The following SEPTIN5 variants were observed in gnomAD, a reference collection of about 807,000 sequenced individuals.
SEPTIN5 encodes septin 5.
Under a neutral mutation model 51.2 loss-of-function variants are expected in SEPTIN5, and 16 were observed. That is an observed-to-expected ratio of 0.31 (90% CI 0.21 to 0.47). The LOEUF (loss-of-function observed/expected upper bound fraction) is 0.47, where lower values mean the gene tolerates loss of function less well. Ranked by LOEUF, SEPTIN5 falls within the 20% of genes least tolerant of loss-of-function variation. The pLI, the probability that SEPTIN5 is intolerant of heterozygous loss-of-function variation, is 0.99. For synonymous variants in SEPTIN5, 208 were observed against 191.2 expected (o/e 1.09, Z -0.72); for missense variants, 376 against 500.3 (o/e 0.75, Z 2.37).
At chr22:19,718,443 G>A in intron 2 of SEPTIN5, 2 of 1,098,840 alleles carry the variant, frequency 1.8e-6, no homozygotes, top group Non-Finnish European at 2.2e-6. Context: ...GCGGGCGCCT[G>A]CGACGCCCCG....
At position 19,719,910 on chromosome 22, in the gene SEPTIN5, G is replaced by C; in HGVS notation, c.238+18G>C. The C allele has an allele frequency of 6.2e-7, 1 of 1,611,906 alleles. No individual in the cohort carries two copies. The highest frequency in any genetic ancestry group is 8.5e-7 in the Non-Finnish European group (1 of 1,179,628). On this transcript the variant is annotated intron_variant, in intron 4 of 11. Coordinates refer to ENST00000455784, the MANE Select transcript of SEPTIN5 (RefSeq NM_002688.6). ...TGCTGAGGGTGAGTGGCCCCCAGGA[G>C]GCCCTGGCACTGATCCCCAGTCCCC...
At chr22:19,717,293 G>A (rs547150361) in intron 2 of SEPTIN5, 2 of 470,632 alleles carry the variant, frequency 4.2e-6, no homozygotes, top group East Asian at 6.9e-5. Context: ...CTGCTCCGCT[G>A]GGCTTGCCTG....
At chr22:19,721,766 G>GT in intron 9 of SEPTIN5, 30 bp downstream of exon 9, 6 of 1,601,418 alleles carry the variant, frequency 3.7e-6, no homozygotes, top group South Asian at 1.1e-5. Flanking sequence ...ACCAGGTCTG[G>GT]TGGGGGAAGG....
At position 19,720,473 on chromosome 22, in the gene SEPTIN5, G is replaced by A. The variant is rs200123061; in HGVS notation, c.497+19G>A. The stretch of plus-strand genomic sequence containing the variant: ...GGCATGGGTGTGTGGCTGTCCTGGG[G>A]CCAGGCTCGGGAGTGCAGCCCCTAC... On this transcript the variant is annotated intron_variant, in intron 6 of 11. Coordinates refer to ENST00000455784, the MANE Select transcript of SEPTIN5 (RefSeq NM_002688.6). The A allele has an allele frequency of 6.2e-7, 1 of 1,613,230 alleles. No individual in the cohort carries two copies. The highest frequency in any genetic ancestry group is 1.1e-5 in the South Asian group (1 of 91,082).
At chr22:19,718,473 A>G (rs2145787393) in intron 2 of SEPTIN5, 1 of 1,154,670 alleles carries the variant, frequency 8.7e-7, no homozygotes, top group Non-Finnish European at 1.1e-6. Flanking sequence ...CGGGTGCGGG[A>G]GCGGGGCCTG....
In SEPTIN5 at chr22:19,714,554, G is replaced by A; in HGVS notation, c.-35G>A. 4 of 1,343,274 alleles carry A rather than the reference G, an allele frequency of 3.0e-6. No homozygotes were observed. Among genetic ancestry groups the A allele is most frequent in the South Asian group, 1.8e-5 (1 of 56,592 alleles). 83.2% of individuals were successfully genotyped at this position (1,343,274 alleles called of 1,614,324 possible). On this transcript the variant is annotated 5_prime_UTR_variant, in exon 1 of 12. Transcript: ENST00000455784. The surrounding 1 kb of genome is among the most constrained non-coding windows in gnomAD (Gnocchi z 5.2). ...CCGCTTGTCGTCGCGCCCCGCCCGC[G>A]AGCCCGCCCCGCACGTCCCCCGCCG...
intron 2 of SEPTIN5, chr22:19,717,731 C>A: frequency 3.9e-6 from 1 of 258,128 alleles, no homozygotes; most frequent in South Asian, 3.8e-5. Flanking sequence ...CTCTGCCCTC[C>A]TCCGGTCCCC....
At position 19,720,553 on chromosome 22, in the gene SEPTIN5, C is replaced by T. The variant is rs201668611; in HGVS notation, c.502C>T (p.Arg168Trp). The change falls in exon 7 of 12, where the codon CGG (arginine) becomes TGG (tryptophan). Residue 168 changes from arginine to tryptophan, a missense_variant. Coordinates refer to ENST00000455784, the MANE Select transcript of SEPTIN5 (RefSeq NM_002688.6). ...YFISPFGHGL[R>W]PVDVGFMKAL... Reference sequence around the variant, plus strand: ...ACCCTTGGCTGCTCTCGGCAGGCTGCGGCCAGTGGATGTGGGTTTCATGAA... The same window carrying T: ...ACCCTTGGCTGCTCTCGGCAGGCTGTGGCCAGTGGATGTGGGTTTCATGAA... 8 of 1,612,998 alleles carry T rather than the reference C, an allele frequency of 5.0e-6. No individual in the cohort carries two copies. Among genetic ancestry groups the T allele is most frequent in the Non-Finnish European group, 5.9e-6 (7 of 1,180,020 alleles).
Position 19,717,406 on chromosome 22 carries a change from C to T in SEPTIN5, c.55-2196C>T, listed in dbSNP as rs1004417478. 1.7e-5 allele frequency: 8 copies of T among 464,414 alleles called. No individual in the cohort carries two copies. The Admixed American group carries it at 1.9e-4, about 11-fold the overall frequency. The allele number at this position is 464,414 out of a possible 1,614,324, so 28.8% of individuals were successfully genotyped here. ...CCACATGGGAGGGAGGCCCGGCTGG[C>T]AGGAGCTCCCAGTCCCTCCAATCCT... On this transcript the variant is annotated intron_variant, in intron 2 of 11. Transcript: ENST00000455784.
At chr22:19,717,343 G>C (rs1935926733) in intron 2 of SEPTIN5, 1 of 470,522 alleles carries the variant, frequency 2.1e-6, no homozygotes. Flanking sequence ...GTGGCCCACA[G>C]AGCGGAGCTC....
At chr22:19,718,579 AC>A in intron 2 of SEPTIN5, 1 of 1,290,336 alleles carries the variant, frequency 7.7e-7, no homozygotes, top group Non-Finnish European at 9.8e-7. Context: ...CGGGTAGGCG[AC>A]GTGCCCTGTC....
chr22:19,719,904 C>T lies in SEPTIN5; in HGVS notation c.238+12C>T, dbSNP rs1416804941. 6.2e-7 allele frequency: 1 copy of T among 1,612,228 alleles called. No individual in the cohort carries two copies. The highest frequency in any genetic ancestry group is 1.1e-5 in the South Asian group (1 of 91,044). On this transcript the variant is annotated intron_variant, in intron 4 of 11. Transcript: ENST00000455784. ...GCTCAGTGCTGAGGGTGAGTGGCCC[C>T]CAGGAGGCCCTGGCACTGATCCCCA... is the stretch of plus-strand genomic sequence containing the variant.
intron 2 of SEPTIN5, chr22:19,718,490 C>T (rs760745650): frequency 8.3e-7 from 1 of 1,211,206 alleles, no homozygotes; most frequent in South Asian, 3.9e-5. Context: ...CCTGCCCGGA[C>T]TGCGACGCCG....
chr22:19,719,061 T>C, intron 2 of SEPTIN5: 1 of 379,834 alleles, frequency 2.6e-6, no homozygotes. Context: ...GCCCCAAGGG[T>C]CTGCGGGGGC....
intron 2 of SEPTIN5, chr22:19,717,518 CT>C (rs1395865967): frequency 5.7e-6 from 2 of 353,360 alleles, no homozygotes; most frequent in Non-Finnish European, 1.1e-5. Context: ...ACCCCCACCC[CT>C]GTCTCTGAGG....
At chr22:19,715,305 T>C (rs543336756) in intron 2 of SEPTIN5, among the ~76,000 whole-genome samples, 17 of 152,316 alleles carry the variant, frequency 1.1e-4, no homozygotes, top group Non-Finnish European at 2.4e-4. Flanking sequence ...CTTCCCCAGA[T>C]TGGGAACCCC....
chr22:19,720,215 G>C lies in SEPTIN5; in HGVS notation c.339G>C (p.Gly113=), dbSNP rs2078923305. ...KLTIVDTPGF[G]DAVNNTECWK... The stretch of plus-strand genomic sequence containing the variant: ...CCATCGTGGACACGCCGGGATTCGG[G>C]GACGCTGTCAACAACACCGAGTGGT... The change falls in exon 5 of 12, where the codon GGG becomes GGC. Residue 113 remains glycine (G), a synonymous_variant. Transcript: ENST00000455784. 6.2e-7 allele frequency: 1 copy of C among 1,613,424 alleles called. No homozygotes were observed. The highest frequency in any genetic ancestry group is 8.5e-7 in the Non-Finnish European group (1 of 1,180,020).
At chr22:19,720,078 G>A (rs773386731) in intron 4 of SEPTIN5, 37 bp from the exon 5 acceptor site, 22 of 1,612,448 alleles carry the variant, frequency 1.4e-5, no homozygotes, top group East Asian at 2.2e-5. Context: ...AGGGGCTGAG[G>A]GTTGGAGAGG....
chr22:19,718,310 C>A, intron 2 of SEPTIN5: 1 of 807,872 alleles, frequency 1.2e-6, no homozygotes, highest in Non-Finnish European at 1.5e-6. Flanking sequence ...CCGACCGCGC[C>A]TCGGCTCAGC....
Sources: allele counts gnomAD v4.1 joint callset (sites outside exome capture counted in the v4.1 genomes callset), GRCh38; gene constraint gnomAD v4.1.1; non-coding constraint Gnocchi (gnomAD v3.1); transcripts MANE v1.5; gene names NCBI Gene and HGNC (gene_info 2026-07-23, HGNC 2026-07-21).